Variants in OSCP1 observed in about 807,000 individuals in gnomAD.
The protein encoded by OSCP1 is protein OSCP1.
A neutral mutation model predicts 45.1 loss-of-function variants in OSCP1; 35 were observed. The ratio of observed to expected loss-of-function variants is 0.78; its 90% CI spans 0.59 to 1.03. The LOEUF (loss-of-function observed/expected upper bound fraction) is 1.03, where lower values mean the gene tolerates loss of function less well. Ranked by LOEUF, OSCP1 falls within the 50% of genes least tolerant of loss-of-function variation. OSCP1 has a pLI of 0.00. For synonymous variants in OSCP1, 179 were observed against 180.1 expected (o/e 0.99, Z 0.05); for missense variants, 400 against 470.7 (o/e 0.85, Z 1.39).
chr1:36,423,012 A>T, intron 5 of OSCP1, 116 bp from the exon 6 acceptor site: 1 of 682,150 alleles, frequency 1.5e-6, no homozygotes, highest in Non-Finnish European at 2.2e-6. Context: ...TTCAAGATAA[A>T]GGTGCTGGTT....
intron 1 of OSCP1, chr1:36,444,104 C>T: frequency 6.6e-7 from 1 of 1,508,242 alleles, no homozygotes; most frequent in South Asian, 1.1e-5. Context: ...AGGCTTTAAA[C>T]ATACCAATTC....
chr1:36,423,715 A>C lies in OSCP1; in HGVS notation c.517-249T>G, dbSNP rs11263893. ...CGGTGAAACCCTGTCTCTACTAAAA[A>C]TACAAAAAATTAGCCGGGCGTGGTG... On this transcript the variant is annotated intron_variant, in intron 4 of 9. Coordinates refer to ENST00000235532, the MANE Select transcript of OSCP1 (RefSeq NM_145047.5). Among the ~76,000 whole-genome samples, 1,328 of 152,002 alleles carry C rather than the reference A, an allele frequency of 8.7e-3. 18 individuals are homozygous for C. Among genetic ancestry groups the C allele is most frequent in the African/African-American group, 0.031 (1,289 of 41,462 alleles).
intron 9 of OSCP1, 110 bp from the exon 10 acceptor site, chr1:36,418,365 C>G: frequency 1.2e-6 from 1 of 841,448 alleles, no homozygotes; most frequent in Non-Finnish European, 1.9e-6. Flanking sequence ...GTTTCAGTTG[C>G]GCACCTGTTT....
intron 2 of OSCP1, 95 bp from the exon 3 acceptor site, chr1:36,432,684 C>T: frequency 1.4e-6 from 2 of 1,474,376 alleles, no homozygotes; most frequent in Non-Finnish European, 1.9e-6. Flanking sequence ...TTACTGAAAA[C>T]CAACTCTGGG....
rs1049019255 is a variant in OSCP1 at position 36,422,160 on chromosome 1, G to A, written c.809C>T (p.Ser270Leu). The A allele has an allele frequency of 1.2e-6, 2 of 1,613,998 alleles. No homozygotes were observed. The highest frequency in any genetic ancestry group is 1.3e-5 in the African/African-American group (1 of 74,922). The change falls in exon 7 of 10, where the codon TCA becomes TTA. Residue 270 changes from serine to leucine, a missense_variant. Physicochemically the swap from Ser to Leu is moderately radical, Grantham distance 145. Transcript: ENST00000235532. Reference protein sequence around the residue: ...HVSGSSKNLASWTQESIAPNP... With the variant: ...HVSGSSKNLALWTQESIAPNP... ...AAGGCAGAAGCTCACCTGGGTCCAT[G>A]AGGCTAAGTTCTTTGATGATCCAGA...
chr1:36,422,370 A>G (rs986272937), intron 6 of OSCP1, 151 bp from the exon 7 acceptor site: 2 of 749,386 alleles, frequency 2.7e-6, no homozygotes, highest in Admixed American at 2.4e-5. Flanking sequence ...AGTGTGTGTT[A>G]ACCATTCACA....
rs138049236 is a variant in OSCP1 at position 36,435,026 on chromosome 1, T to A, written c.268-2437A>T. 4.3e-4 allele frequency among the ~76,000 whole-genome samples: 65 copies of A among 152,036 alleles called. 1 individual carries two copies. The highest frequency in any genetic ancestry group is 9.6e-4 in the East Asian group (5 of 5,186). On this transcript the variant is annotated intron_variant, in intron 2 of 9. Coordinates refer to ENST00000235532, the MANE Select transcript of OSCP1 (RefSeq NM_145047.5). Reference sequence around the variant, plus strand: ...AGCTAAGGCTTAAACTCAGCTTTTTTAATTCTAAGTTCTGTGTCCTTCCTC... The same window carrying A: ...AGCTAAGGCTTAAACTCAGCTTTTTAAATTCTAAGTTCTGTGTCCTTCCTC...
At chr1:36,425,947 C>T (rs1009519526) in intron 4 of OSCP1, among the ~76,000 whole-genome samples, 2 of 151,946 alleles carry the variant, frequency 1.3e-5, no homozygotes, top group Admixed American at 6.6e-5. Context: ...GGGAGGCAGG[C>T]GTGACTGTGG....
intron 1 of OSCP1, among the ~76,000 whole-genome samples, chr1:36,443,382 G>A (rs1649316690): frequency 6.6e-6 from 1 of 152,296 alleles, no homozygotes; most frequent in South Asian, 2.1e-4. Flanking sequence ...ATGACAGAAG[G>A]TATCTGAGAT....
At chr1:36,422,704 T>TC in intron 6 of OSCP1, 64 bp downstream of exon 6, 1 of 1,381,376 alleles carries the variant, frequency 7.2e-7, no homozygotes, top group Admixed American at 2.5e-5. Flanking sequence ...TGTTTCTCTT[T>TC]TTTTTTTTTT....
At chr1:36,435,594 T>C (rs889286973) in intron 2 of OSCP1, among the ~76,000 whole-genome samples, 2 of 152,186 alleles carry the variant, frequency 1.3e-5, no homozygotes, top group Admixed American at 1.3e-4. Context: ...ATCCTCATTT[T>C]ACAGATGAGA....
Position 36,422,797 on chromosome 1 carries a change from T to C in OSCP1, c.720A>G (p.Gly240=). The part of the protein sequence containing the change: ...APKEGSFELY[G]DRVLKLGTNM... ...TAGTTCCCAGTTTCAGGACTCGGTC[T>C]CCATAAAGTTCAAAAGAACCTTCTT... Residue 240 remains glycine, a synonymous_variant, in exon 6 of 10, where the codon GGA becomes GGG. Transcript: ENST00000235532. The C allele has an allele frequency of 6.3e-7, 1 of 1,598,372 alleles. No homozygotes were observed. Among genetic ancestry groups the C allele is most frequent in the African/African-American group, 1.3e-5 (1 of 74,484 alleles).
chr1:36,427,299 C>CTTTTTTTTTTTTTTTTTTTTTTT (rs71053929), intron 4 of OSCP1, among the ~76,000 whole-genome samples: 1 of 96,306 alleles, frequency 1.0e-5, no homozygotes, highest in African/African-American at 4.8e-5. Context: ...GGCGCCTGGC[C>CTTTTTTTTTTTTTTTTTTTTTTT]TTTTTTTTTT....
At chr1:36,419,897 T>C (rs994690842) in intron 8 of OSCP1, among the ~76,000 whole-genome samples, 1 of 152,142 alleles carries the variant, frequency 6.6e-6, no homozygotes, top group African/African-American at 2.4e-5. Context: ...TGCTTAACCT[T>C]AAATTCCTGG....
At chr1:36,435,921 C>T (rs942523799) in intron 2 of OSCP1, among the ~76,000 whole-genome samples, 6 of 151,738 alleles carry the variant, frequency 4.0e-5, no homozygotes, top group African/African-American at 7.3e-5. Flanking sequence ...CATGAGCCAC[C>T]GCGCCTGGCC....
chr1:36,422,097 C>T, intron 7 of OSCP1, 53 bp downstream of exon 7: 3 of 1,530,644 alleles, frequency 2.0e-6, no homozygotes, highest in Non-Finnish European at 2.7e-6. Context: ...TTTATGTAGA[C>T]TTCCGTATCT....
intron 4 of OSCP1, among the ~76,000 whole-genome samples, chr1:36,430,937 G>A (rs541416043): frequency 1.3e-5 from 2 of 152,376 alleles, no homozygotes; most frequent in African/African-American, 4.8e-5. Flanking sequence ...TTACAGGCGT[G>A]AGCCACTGCG....
At chr1:36,441,534 G>A (rs954253210) in intron 1 of OSCP1, among the ~76,000 whole-genome samples, 1 of 150,208 alleles carries the variant, frequency 6.7e-6, no homozygotes, top group African/African-American at 2.4e-5. Context: ...GGATCACGAA[G>A]TCAGGAGATC....
At chr1:36,422,003 G>T in intron 7 of OSCP1, 147 bp downstream of exon 7, 1 of 730,088 alleles carries the variant, frequency 1.4e-6, no homozygotes, top group Non-Finnish European at 2.4e-6. Flanking sequence ...TAAAACCTGT[G>T]TACTCGTAAG....
Sources: allele counts gnomAD v4.1 joint callset (sites outside exome capture counted in the v4.1 genomes callset), GRCh38; gene constraint gnomAD v4.1.1; transcripts MANE v1.5; gene names NCBI Gene and HGNC (gene_info 2026-07-23, HGNC 2026-07-21).